The following LHFPL3 variants were observed in gnomAD, a reference collection of about 807,000 sequenced individuals.
LHFPL3 encodes LHFPL tetraspan subfamily member 3.
In LHFPL3, 5 loss-of-function variants were observed where a neutral mutation model predicts 19.3. The ratio of observed to expected loss-of-function variants is 0.26; its 90% CI spans 0.14 to 0.54. The LOEUF (loss-of-function observed/expected upper bound fraction) is 0.54, where lower values mean the gene tolerates loss of function less well. Ranked by LOEUF, LHFPL3 falls within the 20% of genes least tolerant of loss-of-function variation. The pLI is 0.94. For missense variants in LHFPL3, 249 were observed against 307.4 expected, an observed-to-expected ratio of 0.81 and a Z score of 1.42; for synonymous variants, 133 against 126.2, an observed-to-expected ratio of 1.05 and a Z score of -0.36.
intron 2 of LHFPL3, among the ~76,000 whole-genome samples, chr7:104,884,894 T>C (rs1315332193): frequency 1.3e-5 from 2 of 151,876 alleles, no homozygotes; most frequent in Non-Finnish European, 2.9e-5. Context: ...AGGACACCAA[T>C]TGGTGGAGAG....
At chr7:104,483,940 TTTATATAAGATTCAAG>T (rs979156120) in intron 1 of LHFPL3, among the ~76,000 whole-genome samples, 9 of 152,314 alleles carry the variant, frequency 5.9e-5, no homozygotes, top group Non-Finnish European at 8.8e-5. Flanking sequence ...ATGTAGTCAT[TTTATATAAGATTCAAG>T]TTATATAAGA....
chr7:104,701,634 C>T (rs1159884269), intron 1 of LHFPL3, among the ~76,000 whole-genome samples: 2 of 152,064 alleles, frequency 1.3e-5, no homozygotes, highest in Admixed American at 6.5e-5. Context: ...GTTGCAGAGG[C>T]GTAAGAAAGT....
At chr7:104,554,640 CAGATAGATAGATAGATAGAT>C (rs55796324) in intron 1 of LHFPL3, among the ~76,000 whole-genome samples, 62 of 143,980 alleles carry the variant, frequency 4.3e-4, no homozygotes, top group South Asian at 6.8e-4. Context: ...ATTAGATAGA[CAGATAGATAGATAGATAGAT>C]AGATAGATAG....
chr7:104,488,736 T>G (rs1793283438), intron 1 of LHFPL3, among the ~76,000 whole-genome samples: 1 of 152,048 alleles, frequency 6.6e-6, no homozygotes, highest in Non-Finnish European at 1.5e-5. Context: ...AGTTGAGGTG[T>G]GAATGCAGGG....
At chr7:104,411,391 G>T (rs2116513328) in intron 1 of LHFPL3, among the ~76,000 whole-genome samples, 1 of 152,296 alleles carries the variant, frequency 6.6e-6, no homozygotes, top group East Asian at 1.9e-4. Flanking sequence ...AATAACCAGA[G>T]GGTTTATTTG....
chr7:104,582,810 T>C (rs1014130404), intron 1 of LHFPL3, among the ~76,000 whole-genome samples: 2 of 151,962 alleles, frequency 1.3e-5, no homozygotes, highest in Non-Finnish European at 2.9e-5. Flanking sequence ...ATGCATTATC[T>C]TTTTAATATA....
At chr7:104,637,894 T>C (rs1192132841) in intron 1 of LHFPL3, among the ~76,000 whole-genome samples, 1 of 150,722 alleles carries the variant, frequency 6.6e-6, no homozygotes, top group Non-Finnish European at 1.5e-5. Flanking sequence ...GGATTCCATA[T>C]GAATTTTAAA....
intron 1 of LHFPL3, among the ~76,000 whole-genome samples, chr7:104,693,768 C>T (rs574306786): frequency 1.9e-4 from 28 of 149,878 alleles, no homozygotes; most frequent in South Asian, 4.2e-4. Context: ...TACAGGCGCC[C>T]GCCACCACGC....
At chr7:104,429,874 T>TATGTGGAC (rs1053429769) in intron 1 of LHFPL3, among the ~76,000 whole-genome samples, 2 of 152,026 alleles carry the variant, frequency 1.3e-5, no homozygotes, top group African/African-American at 4.8e-5. Flanking sequence ...AGGAGAGTGA[T>TATGTGGAC]ATGTGGACAT....
chr7:104,673,082 A>G (rs1395244630), intron 1 of LHFPL3, among the ~76,000 whole-genome samples: 1 of 152,196 alleles, frequency 6.6e-6, no homozygotes, highest in Non-Finnish European at 1.5e-5. Flanking sequence ...TACAAATCCC[A>G]TTATGACATC....
chr7:104,868,000 C>G (rs1352739996), intron 2 of LHFPL3, among the ~76,000 whole-genome samples: 1 of 152,120 alleles, frequency 6.6e-6, no homozygotes, highest in Non-Finnish European at 1.5e-5. Context: ...TCAATAGATG[C>G]AGAAAAGGCC....
At chr7:104,374,151 G>A (rs1444642779) in intron 1 of LHFPL3, among the ~76,000 whole-genome samples, 2 of 151,218 alleles carry the variant, frequency 1.3e-5, no homozygotes, top group African/African-American at 4.9e-5. Flanking sequence ...GAATAAACAT[G>A]TTTTCAATAT....
intron 1 of LHFPL3, among the ~76,000 whole-genome samples, chr7:104,408,358 C>T (rs941801873): frequency 1.4e-5 from 1 of 71,396 alleles, no homozygotes; most frequent in Non-Finnish European, 2.5e-5. Flanking sequence ...CTTGTGGCAA[C>T]ATTTTTTTTT....
At chr7:104,778,206 G>C (rs1310382574) in intron 2 of LHFPL3, among the ~76,000 whole-genome samples, 3 of 152,206 alleles carry the variant, frequency 2.0e-5, no homozygotes, top group Non-Finnish European at 2.9e-5. Context: ...GTGCGATTTA[G>C]ATTTGTCATT....
chr7:104,772,762 C>T (rs1794575601), intron 2 of LHFPL3, among the ~76,000 whole-genome samples: 4 of 152,224 alleles, frequency 2.6e-5, no homozygotes, highest in South Asian at 2.1e-4. Context: ...CATCCTGTGA[C>T]GTATCCTACT....
chr7:104,774,002 A>T (rs1794602696), intron 2 of LHFPL3, among the ~76,000 whole-genome samples: 1 of 152,254 alleles, frequency 6.6e-6, no homozygotes, highest in African/African-American at 2.4e-5. Context: ...ACTTCCGTGT[A>T]GTCACACATC....
intron 1 of LHFPL3, among the ~76,000 whole-genome samples, chr7:104,330,230 G>A (rs1215941834): frequency 6.6e-6 from 1 of 152,202 alleles, no homozygotes; most frequent in African/African-American, 2.4e-5. Context: ...CCCTTCTAAA[G>A]TCAAGGGTCC....
At chr7:104,650,038 CT>C (rs1792002523) in intron 1 of LHFPL3, among the ~76,000 whole-genome samples, 2 of 152,194 alleles carry the variant, frequency 1.3e-5, no homozygotes, top group African/African-American at 4.8e-5. Flanking sequence ...AGAGAGCAGA[CT>C]TTATCAAGGG....
rs535579393 is a variant in LHFPL3 at position 104,882,870 on chromosome 7, G to C, written c.683-23317G>C. Among the ~76,000 whole-genome samples the C allele has an allele frequency of 2.0e-5, 3 of 152,276 alleles. No individual in the cohort carries two copies. The East Asian group carries it at 5.8e-4, about 29-fold the overall frequency. ...TGGGAAATAAATCCTGAAGATGGGG[G>C]AAGGGTATGATTTATATTGTAGTTA... On this transcript the variant is annotated intron_variant, in intron 2 of 2. Transcript: ENST00000424859.
Sources: allele counts gnomAD v4.1 joint callset (sites outside exome capture counted in the v4.1 genomes callset), GRCh38; gene constraint gnomAD v4.1.1; transcripts MANE v1.5; gene names NCBI Gene and HGNC (gene_info 2026-07-23, HGNC 2026-07-21).